ERBB4: variants seen among roughly 807,000 people sequenced by gnomAD.
ERBB4 encodes erb-b2 receptor tyrosine kinase 4.
A neutral mutation model predicts 158.0 loss-of-function variants in ERBB4; 42 were observed. The ratio of observed to expected loss-of-function variants is 0.27; its 90% CI spans 0.21 to 0.34. The LOEUF is 0.34. Among genes scored for constraint, ERBB4 ranks in the 10% least tolerant of loss-of-function variants. The pLI is 1.00. For synonymous variants in ERBB4, 583 were observed against 558.7 expected, an observed-to-expected ratio of 1.04 and a Z score of -0.61; for missense variants, 1,333 against 1,624.1, an observed-to-expected ratio of 0.82 and a Z score of 3.08.
chr2:212,082,177 G>A (rs2078465202), intron 2 of ERBB4, among the ~76,000 whole-genome samples: 1 of 152,032 alleles, frequency 6.6e-6, no homozygotes, highest in East Asian at 1.9e-4. Context: ...TTACATTTAT[G>A]TAGAAAAACA....
chr2:211,553,428 G>A, intron 20 of ERBB4, among the ~76,000 whole-genome samples: 1 of 152,104 alleles, frequency 6.6e-6, no homozygotes, highest in African/African-American at 2.4e-5. Flanking sequence ...GCTCTCCTCA[G>A]CCTGGTATGG....
intron 1 of ERBB4, among the ~76,000 whole-genome samples, chr2:212,279,080 AT>A (rs2085655154): frequency 1.3e-5 from 2 of 151,590 alleles, no homozygotes; most frequent in South Asian, 4.1e-4. Flanking sequence ...ATTTGTGTGT[AT>A]TTTTAATGCA....
chr2:211,376,127 A>T lies in ERBB4; in HGVS notation c.*7488T>A, dbSNP rs551611005. The T allele has an allele frequency of 1.2e-4, 29 of 233,030 alleles. 1 individual carries two copies. The highest frequency in any genetic ancestry group is 1.3e-4 in the Non-Finnish European group (15 of 117,766). The allele number at this position is 233,030 out of a possible 1,614,324, so 14.4% of individuals were successfully genotyped here. ...TCCTTCATCAATAACATGGAAAAAA[A>T]TCAAAATAACATTACACCACACACA... On this transcript the variant is annotated 3_prime_UTR_variant, in exon 28 of 28. Coordinates refer to ENST00000342788, the MANE Select transcript of ERBB4 (RefSeq NM_005235.3).
At chr2:212,058,030 C>G (rs1575578613) in intron 2 of ERBB4, among the ~76,000 whole-genome samples, 4 of 152,188 alleles carry the variant, frequency 2.6e-5, no homozygotes, top group Admixed American at 2.6e-4. Context: ...AATTGATAGA[C>G]TACTAGCAAG....
At chr2:211,724,368 A>C (rs192482776) in intron 6 of ERBB4, among the ~76,000 whole-genome samples, 1 of 151,664 alleles carries the variant, frequency 6.6e-6, no homozygotes, top group East Asian at 1.9e-4. Context: ...TTTTAAAAAA[A>C]GCTCAATTCT....
chr2:212,240,496 G>C (rs939814692), intron 1 of ERBB4, among the ~76,000 whole-genome samples: 3 of 151,708 alleles, frequency 2.0e-5, no homozygotes, highest in Admixed American at 6.6e-5. Flanking sequence ...AGCCAGGCGT[G>C]GTGGTGCACA....
chr2:211,389,497 A>T (rs981202496), intron 25 of ERBB4, among the ~76,000 whole-genome samples: 1 of 152,198 alleles, frequency 6.6e-6, no homozygotes, highest in African/African-American at 2.4e-5. Context: ...TAATCAAGGG[A>T]CATGGTCTGA....
rs2071271268 is a variant in ERBB4, at chr2:211,657,743, G to C, written c.1946+11C>G. 2 of 1,601,370 alleles carry C rather than the reference G, an allele frequency of 1.2e-6. No homozygotes were observed. The highest frequency in any genetic ancestry group is 1.3e-5 in the African/African-American group (1 of 74,704). ...ATTTGAGCGACAAAATGGAAACATG[G>C]TAGATGTTACCTAGCATGTTGTGGT... On this transcript the variant is annotated intron_variant, in intron 16 of 27. Coordinates refer to ENST00000342788, the MANE Select transcript of ERBB4 (RefSeq NM_005235.3).
At chr2:212,451,180 T>A (rs935772226) in intron 1 of ERBB4, among the ~76,000 whole-genome samples, 1 of 152,120 alleles carries the variant, frequency 6.6e-6, no homozygotes. Flanking sequence ...AATGTATCTA[T>A]AGAATTGTTG....
chr2:211,520,974 G>T (rs1396235507), intron 20 of ERBB4, among the ~76,000 whole-genome samples: 1 of 152,070 alleles, frequency 6.6e-6, no homozygotes, highest in African/African-American at 2.4e-5. Flanking sequence ...CTACCAATCA[G>T]CCATTACCCA....
At chr2:212,204,009 C>T (rs13407289) in intron 1 of ERBB4, among the ~76,000 whole-genome samples, 58,285 of 152,106 alleles carry the variant, frequency 0.38, 13,032 homozygotes, top group East Asian at 0.76. Flanking sequence ...GTTAGTCAAA[C>T]ATGCATGAAT....
At chr2:212,320,520 A>AAG (rs1218644691) in intron 1 of ERBB4, among the ~76,000 whole-genome samples, 5 of 149,008 alleles carry the variant, frequency 3.4e-5, no homozygotes, top group Admixed American at 2.0e-4. Flanking sequence ...GACAGAAAAA[A>AAG]AAAAACAACA....
chr2:212,458,320 C>T (rs967666314), intron 1 of ERBB4, among the ~76,000 whole-genome samples: 2 of 151,850 alleles, frequency 1.3e-5, no homozygotes, highest in Non-Finnish European at 2.9e-5. Flanking sequence ...TAAGAATTCT[C>T]TTTTTAGTTA....
At chr2:212,192,245 G>A (rs1292275997) in intron 1 of ERBB4, among the ~76,000 whole-genome samples, 3 of 114,038 alleles carry the variant, frequency 2.6e-5, no homozygotes, top group East Asian at 5.3e-4. Flanking sequence ...ATTTCTAAAT[G>A]CTAATTTCCC....
chr2:212,117,170 TTCTC>T, intron 2 of ERBB4, among the ~76,000 whole-genome samples: 1 of 152,322 alleles, frequency 6.6e-6, no homozygotes, highest in African/African-American at 2.4e-5. Context: ...TACAATATTA[TTCTC>T]TCTGTGTCCT....
chr2:211,920,088 C>CA (rs2079816680), intron 3 of ERBB4, among the ~76,000 whole-genome samples: 1 of 151,818 alleles, frequency 6.6e-6, no homozygotes, highest in South Asian at 2.1e-4. Context: ...AAAAATCTGG[C>CA]AAAAACTCCC....
At chr2:211,944,940 G>T (rs1416473878) in intron 3 of ERBB4, among the ~76,000 whole-genome samples, 2 of 152,128 alleles carry the variant, frequency 1.3e-5, no homozygotes, top group South Asian at 4.1e-4. Context: ...CAGATTTGCT[G>T]TCTCCCCTCA....
Position 211,428,466 on chromosome 2 carries a change from C to T in ERBB4, c.2661G>A (p.Met887Ile), listed in dbSNP as rs754748646. 5.7e-6 allele frequency: 9 copies of T among 1,574,168 alleles called. No individual in the cohort carries two copies. Among genetic ancestry groups the T allele is most frequent in the Non-Finnish European group, 7.9e-6 (9 of 1,144,670 alleles). ...TCCTGTAATGTATACACTCCAGAGC[C>T]ATCCATTTAATTGGCATCTATAGAG... The part of the protein sequence containing the change: ...ADGGKMPIKW[M>I]ALECIHYRKF... The change falls in exon 22 of 28, where the codon ATG (methionine) becomes ATA (isoleucine). Residue 887 changes from methionine to isoleucine, a missense_variant. By Grantham distance (10) the Met-to-Ile change is conservative. Around this residue, in one of 5 missense-constraint regions of ERBB4, gnomAD observed 314 missense variants for 437.6 expected, o/e 0.72. Transcript: ENST00000342788.
At chr2:212,490,265 A>G (rs1474997460) in intron 1 of ERBB4, among the ~76,000 whole-genome samples, 1 of 151,792 alleles carries the variant, frequency 6.6e-6, no homozygotes, top group Non-Finnish European at 1.5e-5. Context: ...CCATTGTTTC[A>G]TCTCCAGCTT....
Sources: gnomAD v4.1 joint callset for allele counts (sites outside exome capture counted in the v4.1 genomes callset) on GRCh38, gnomAD v4.1.1 for gene constraint, gnomAD v4.1.1 regional missense constraint, MANE v1.5 for transcripts, NCBI Gene and HGNC (gene_info 2026-07-23, HGNC 2026-07-21) for gene names.